MKI67: variants seen among roughly 807,000 people sequenced by gnomAD.
The protein encoded by MKI67 is marker of proliferation Ki-67, also known as proliferation marker protein Ki-67.
In MKI67, 152 loss-of-function variants were observed where a neutral mutation model predicts 233.5. That is an observed-to-expected ratio of 0.65 (90% CI 0.57 to 0.74). MKI67 has a LOEUF of 0.74. Among genes scored for constraint, MKI67 ranks in the 30% least tolerant of loss-of-function variants. MKI67 has a pLI of 0.00. For missense variants in MKI67, 3,940 were observed against 3,885.2 expected (o/e 1.01, Z -0.37); for synonymous variants, 1,465 against 1,418.5 (o/e 1.03, Z -0.74).
Position 128,125,605 on chromosome 10 carries a change from G to T in MKI67, c.63C>A (p.Pro21=), listed in dbSNP as rs1228762307. Residue 21 remains proline (P), a synonymous_variant, in exon 2 of 15, where the codon CCC becomes CCA. Coordinates refer to ENST00000368654, the MANE Select transcript of MKI67 (RefSeq NM_002417.5). The surrounding 1 kb of genome is among the most constrained non-coding windows in gnomAD (Gnocchi z 5.3). ...CAAACAAGCAGGTGCTGAGGCTCAG[G>T]GGAAAGTGGGGACCGTCGACCCCGC... ...KRSGVDGPHF[P]LSLSTCLFGR... 6.2e-7 allele frequency: 1 copy of T among 1,613,378 alleles called. No individual in the cohort carries two copies. Among genetic ancestry groups the T allele is most frequent in the African/African-American group, 1.3e-5 (1 of 74,868 alleles).
Position 128,115,021 on chromosome 10 carries a change from T to G in MKI67, c.1387A>C (p.Lys463Gln), listed in dbSNP as rs1442074289. 1 of 1,611,762 alleles carries G rather than the reference T, an allele frequency of 6.2e-7. No individual in the cohort carries two copies. Among genetic ancestry groups the G allele is most frequent in the Non-Finnish European group, 8.5e-7 (1 of 1,177,834 alleles). ...ERKIQKDSLS[K>Q]PEKLGTTAGQ... is the part of the protein sequence containing the mutation. ...GCTGTAGTGCCCAATTTCTCAGGCT[T>G]GCTGAGGGAATCCTTTTGGATCTTC... Residue 463 changes from lysine to glutamine, a missense_variant, in exon 7 of 15, where the codon AAG becomes CAG. Lys to Gln is a moderately conservative substitution (Grantham distance 53, BLOSUM62 1). Coordinates refer to ENST00000368654, the MANE Select transcript of MKI67 (RefSeq NM_002417.5).
At position 128,103,893 on chromosome 10, in the gene MKI67, A is replaced by C. The variant is rs1478160581; in HGVS notation, c.7947T>G (p.Arg2649=). Reference sequence around the variant, plus strand: ...CTACTGGGTTTGGTTTCTTCTTTGCACGTTGCTTCAATACTTTGATGCCCT... The same window carrying C: ...CTACTGGGTTTGGTTTCTTCTTTGCCCGTTGCTTCAATACTTTGATGCCCT... ...GDEGIKVLKQ[R]AKKKPNPVEE... is the part of the protein sequence containing the mutation. The change falls in exon 13 of 15, where the codon CGT becomes CGG. Residue 2649 remains arginine, a synonymous_variant. Coordinates refer to ENST00000368654, the MANE Select transcript of MKI67 (RefSeq NM_002417.5). 1 of 1,613,516 alleles carries C rather than the reference A, an allele frequency of 6.2e-7. No individual in the cohort carries two copies. Among genetic ancestry groups the C allele is most frequent in the Admixed American group, 1.7e-5 (1 of 59,962 alleles).
Position 128,123,083 on chromosome 10 carries a change from C to A in MKI67, c.171+8G>T, listed in dbSNP as rs1263505520. The stretch of plus-strand genomic sequence containing the variant: ...CTTTAAAAGTAGATCTTCAAAAAAC[C>A]CACTCACCTCCTGCTCATGGATTTC... On this transcript the variant is annotated splice_region_variant and intron_variant, in intron 3 of 14. Transcript: ENST00000368654. The A allele has an allele frequency of 6.2e-7, 1 of 1,611,956 alleles. No homozygotes were observed. The highest frequency in any genetic ancestry group is 8.5e-7 in the Non-Finnish European group (1 of 1,178,318).
chr10:128,108,500 G>C lies in MKI67; in HGVS notation c.3340C>G (p.Pro1114Ala). 6.2e-7 allele frequency: 1 copy of C among 1,613,836 alleles called. No homozygotes were observed. Among genetic ancestry groups the C allele is most frequent in the Non-Finnish European group, 8.5e-7 (1 of 1,179,972 alleles). The change falls in exon 13 of 15, where the codon CCC becomes GCC. Residue 1114 changes from proline to alanine, a missense_variant. Pro to Ala is a conservative substitution (Grantham distance 27). Transcript: ENST00000368654. ...GFKELFQTPG[P>A]SEESMTDEKT... ...TCATCAGTCATTGATTCCTCAGAGGGACCTGGTGTCTGGAAGAGCTCTTTG... is the reference window on the plus strand; with the variant it reads ...TCATCAGTCATTGATTCCTCAGAGGCACCTGGTGTCTGGAAGAGCTCTTTG...
intron 6 of MKI67, 63 bp downstream of exon 6, chr10:128,116,428 C>A: frequency 1.4e-6 from 2 of 1,452,998 alleles, no homozygotes; most frequent in Non-Finnish European, 1.9e-6. Flanking sequence ...CCCTTCTTTG[C>A]CAATATGCTT....
Position 128,105,624 on chromosome 10 carries a change from T to C in MKI67, c.6216A>G (p.Ser2072=). 6.2e-7 allele frequency: 1 copy of C among 1,611,178 alleles called. No homozygotes were observed. The highest frequency in any genetic ancestry group is 8.5e-7 in the Non-Finnish European group (1 of 1,179,150). Residue 2072 remains serine, a synonymous_variant, in exon 13 of 15, where the codon TCA becomes TCG. Transcript: ENST00000368654. ...CTTTGAAGCCGGCCAGGTCTTCTAG[T>C]GATTGGGCCTCTTCCTTAGGTGTTC... is the stretch of plus-strand genomic sequence containing the variant. ...WPRTPKEEAQ[S]LEDLAGFKEL...
rs1852555752 is a variant in MKI67, at chr10:128,107,930, C to T, written c.3910G>A (p.Gly1304Ser). 2 of 1,613,138 alleles carry T rather than the reference C, an allele frequency of 1.2e-6. No individual in the cohort carries two copies. The highest frequency in any genetic ancestry group is 2.2e-5 in the South Asian group (2 of 91,050). ...AATATGATGATGTCTTTCTCTTCAC[C>T]TACTGATGGTTTAGGCGTGTGCATG... Reference protein sequence around the residue: ...KAMHTPKPSVGEEKDIIIFVG... With the variant: ...KAMHTPKPSVSEEKDIIIFVG... The change falls in exon 13 of 15, where the codon GGT (glycine) becomes AGT (serine). Residue 1304 changes from glycine to serine, a missense_variant. Physicochemically the swap from Gly to Ser is moderately conservative, Grantham distance 56 (BLOSUM62 0). Transcript: ENST00000368654.
rs2798670 is a variant in MKI67 at position 128,104,673 on chromosome 10, T to C, written c.7167A>G (p.Thr2389=). 6.2e-7 allele frequency: 1 copy of C among 1,613,932 alleles called. No individual in the cohort carries two copies. Among genetic ancestry groups the C allele is most frequent in the South Asian group, 1.1e-5 (1 of 91,070 alleles). ...TCTCATCACTTACTGCTGGTTTTGGTGTGTCCATGGCTTTGCCTGCTGATG... is the reference window on the plus strand; with the variant it reads ...TCTCATCACTTACTGCTGGTTTTGGCGTGTCCATGGCTTTGCCTGCTGATG... The part of the protein sequence containing the change: ...RTPSAGKAMD[T]PKPAVSDEKN... Residue 2389 remains threonine, a synonymous_variant, in exon 13 of 15, where the codon ACA becomes ACG. Transcript: ENST00000368654.
chr10:128,099,642 G>A (rs2136122661), intron 14 of MKI67, among the ~76,000 whole-genome samples: 1 of 152,346 alleles, frequency 6.6e-6, no homozygotes, highest in South Asian at 2.1e-4. Flanking sequence ...AACCCCTGTA[G>A]ACAGAAGCAT....
chr10:128,112,115 T>C lies in MKI67; in HGVS notation c.1969+18A>G. ...GAAAAAATTCACCTTAATATATGTA[T>C]TCTAATGTCAGACTAACCAATCAGA... is the stretch of plus-strand genomic sequence containing the variant. On this transcript the variant is annotated intron_variant, in intron 9 of 14. Transcript: ENST00000368654. The C allele has an allele frequency of 6.2e-7, 1 of 1,612,432 alleles. No individual in the cohort carries two copies. Among genetic ancestry groups the C allele is most frequent in the Non-Finnish European group, 8.5e-7 (1 of 1,178,848 alleles).
chr10:128,110,470 A>G lies in MKI67; in HGVS notation c.2324T>C (p.Ile775Thr). 2 of 1,588,130 alleles carry G rather than the reference A, an allele frequency of 1.3e-6. No individual in the cohort carries two copies. The highest frequency in any genetic ancestry group is 1.7e-6 in the Non-Finnish European group (2 of 1,159,360). Residue 775 changes from isoleucine (I) to threonine (T), a missense_variant, in exon 12 of 15, where the codon ATC (isoleucine) becomes ACC (threonine). By Grantham distance (89) the Ile-to-Thr change is moderately conservative. Coordinates refer to ENST00000368654, the MANE Select transcript of MKI67 (RefSeq NM_002417.5). ...EQPQLTSTCH[I>T]AISNSENLLG... ...CAAATTCTCTGAATTTGAAATAGCGATGTGACATGTGCTTGTCAACTGCGG... is the reference window on the plus strand; with the variant it reads ...CAAATTCTCTGAATTTGAAATAGCGGTGTGACATGTGCTTGTCAACTGCGG...
chr10:128,109,136 C>T lies in MKI67; in HGVS notation c.2704G>A (p.Glu902Lys). Residue 902 changes from glutamate to lysine, a missense_variant, in exon 13 of 15, where the codon GAG (glutamate) becomes AAG (lysine). By Grantham distance (56) the Glu-to-Lys change is moderately conservative. Transcript: ENST00000368654. ...TTCTGACCTCTTTTTAGGATGCACT[C>T]AACAATTTCTGTATTTGTTTCTTCA... is the stretch of plus-strand genomic sequence containing the variant. Reference protein sequence around the residue: ...KSEETNTEIVECILKRGQKAT... With the variant: ...KSEETNTEIVKCILKRGQKAT... 2 of 1,614,162 alleles carry T rather than the reference C, an allele frequency of 1.2e-6. No individual in the cohort carries two copies. The highest frequency in any genetic ancestry group is 1.7e-6 in the Non-Finnish European group (2 of 1,180,018).
Position 128,103,198 on chromosome 10 carries a change from C to A in MKI67, c.8642G>T (p.Gly2881Val), listed in dbSNP as rs772615802. The A allele has an allele frequency of 5.6e-6, 9 of 1,613,320 alleles. No homozygotes were observed. The highest frequency in any genetic ancestry group is 7.6e-6 in the Non-Finnish European group (9 of 1,179,926). ...TGCAGGTTGCTTAAATGCTTTCGTG[C>A]CTTTGCCCTCACCTACCGGCTCTTT... Reference protein sequence around the residue: ...TDKEPVGEGKGTKAFKQPAKR... With the variant: ...TDKEPVGEGKVTKAFKQPAKR... The change falls in exon 13 of 15, where the codon GGC becomes GTC. Residue 2881 changes from glycine to valine, a missense_variant. By Grantham distance (109) the Gly-to-Val change is moderately radical. Coordinates refer to ENST00000368654, the MANE Select transcript of MKI67 (RefSeq NM_002417.5).
At chr10:128,099,945 A>G (rs1410941720) in intron 14 of MKI67, among the ~76,000 whole-genome samples, 1 of 152,212 alleles carries the variant, frequency 6.6e-6, no homozygotes, top group African/African-American at 2.4e-5. Flanking sequence ...CTCTGTGTTT[A>G]GGAATCATCC....
chr10:128,119,178 G>T, intron 5 of MKI67, 75 bp downstream of exon 5: 1 of 1,088,744 alleles, frequency 9.2e-7, no homozygotes, highest in Non-Finnish European at 1.4e-6. Context: ...TTTCAAGTAA[G>T]AAATCATTAA....
In MKI67 at chr10:128,115,982, G is replaced by C; in HGVS notation, c.426C>G (p.Ala142=). ...DPDEKAQDSK[A]YSKITEGKVS... is the part of the protein sequence containing the mutation. The stretch of plus-strand genomic sequence containing the variant: ...CTTTTCCTTCAGTGATTTTTGAATA[G>C]GCCTTGGAATCTTGAGCTTTCTCAT... Residue 142 remains alanine (A), a synonymous_variant, in exon 7 of 15, where the codon GCC becomes GCG. Coordinates refer to ENST00000368654, the MANE Select transcript of MKI67 (RefSeq NM_002417.5). The C allele has an allele frequency of 6.3e-7, 1 of 1,595,286 alleles. No individual in the cohort carries two copies. Among genetic ancestry groups the C allele is most frequent in the South Asian group, 1.1e-5 (1 of 87,588 alleles).
chr10:128,124,849 T>A (rs2136153577), intron 2 of MKI67, among the ~76,000 whole-genome samples: 1 of 151,792 alleles, frequency 6.6e-6, no homozygotes, highest in South Asian at 2.1e-4. Context: ...AGTACCAAGG[T>A]GAACAAAGGC....
intron 2 of MKI67, among the ~76,000 whole-genome samples, chr10:128,123,781 A>G (rs1486983863): frequency 1.3e-5 from 2 of 152,242 alleles, no homozygotes; most frequent in African/African-American, 4.8e-5. Flanking sequence ...TCTCTAAACA[A>G]TAAAAATACT....
chr10:128,104,503 G>C lies in MKI67; in HGVS notation c.7337C>G (p.Thr2446Arg), dbSNP rs138273523. 1 of 1,614,140 alleles carries C rather than the reference G, an allele frequency of 6.2e-7. No homozygotes were observed. Among genetic ancestry groups the C allele is most frequent in the South Asian group, 1.1e-5 (1 of 91,082 alleles). The part of the protein sequence containing the change: ...DLVGFKELFQ[T>R]PGHTEESMTD... ...CATTGATTCCTCAGTGTGACCTGGTGTCTGGAAGAGTTCTTTGAAGCCAAC... is the reference window on the plus strand; with the variant it reads ...CATTGATTCCTCAGTGTGACCTGGTCTCTGGAAGAGTTCTTTGAAGCCAAC... The change falls in exon 13 of 15, where the codon ACA becomes AGA. Residue 2446 changes from threonine to arginine, a missense_variant. Coordinates refer to ENST00000368654, the MANE Select transcript of MKI67 (RefSeq NM_002417.5).
Sources: allele counts gnomAD v4.1 joint callset (sites outside exome capture counted in the v4.1 genomes callset), GRCh38; gene constraint gnomAD v4.1.1; non-coding constraint Gnocchi (gnomAD v3.1); transcripts MANE v1.5; gene names NCBI Gene and HGNC (gene_info 2026-07-23, HGNC 2026-07-21).